GPR137C: variants seen among roughly 807,000 people sequenced by gnomAD.
GPR137C encodes G protein-coupled receptor 137C.
GPR137C carries 27 observed loss-of-function variants against 43.4 expected under a neutral mutation model. That is an observed-to-expected ratio of 0.62 (90% CI 0.46 to 0.86). The LOEUF is 0.86. Among genes scored for constraint, GPR137C ranks in the 40% least tolerant of loss-of-function variants. The pLI, the probability that GPR137C is intolerant of heterozygous loss-of-function variation, is 0.00. For missense variants in GPR137C, 522 were observed against 534.6 expected (o/e 0.98, Z 0.23); for synonymous variants, 285 against 226.9 (o/e 1.26, Z -2.30).
At chr14:52,570,798 A>C (rs1340789014) in intron 1 of GPR137C, among the ~76,000 whole-genome samples, 1 of 152,148 alleles carries the variant, frequency 6.6e-6, no homozygotes, top group African/African-American at 2.4e-5. Context: ...GCTAACCTAA[A>C]TATATATGCA....
At chr14:52,611,491 AT>A in intron 3 of GPR137C, 1 of 331,716 alleles carries the variant, frequency 3.0e-6, no homozygotes, top group Non-Finnish European at 4.3e-6. Context: ...TTTTTGTCAT[AT>A]TCCTTGAATT....
Position 52,604,364 on chromosome 14 carries a change from T to G in GPR137C, c.717+4023T>G, listed in dbSNP as rs541848447. The stretch of plus-strand genomic sequence containing the variant: ...TGAAGGTCCTGGAGCATTTCCCCAG[T>G]GTTTTCTTCTAGTACTTTCATAGTT... On this transcript the variant is annotated intron_variant, in intron 3 of 6. Transcript: ENST00000321662. 6.6e-5 allele frequency among the ~76,000 whole-genome samples: 10 copies of G among 152,240 alleles called. 1 individual carries two copies. In the South Asian group the frequency reaches 2.1e-3, roughly 32 times the overall value.
At chr14:52,609,111 CTTT>C (rs1002994400) in intron 3 of GPR137C, among the ~76,000 whole-genome samples, 1 of 151,954 alleles carries the variant, frequency 6.6e-6, no homozygotes, top group African/African-American at 2.4e-5. Context: ...TTCTTCATTT[CTTT>C]TTTTTCTTTT....
chr14:52,554,776 C>T (rs2038167918), intron 1 of GPR137C, among the ~76,000 whole-genome samples: 3 of 151,840 alleles, frequency 2.0e-5, no homozygotes, highest in Admixed American at 6.6e-5. Context: ...ACTCTTTTCT[C>T]CTTTAATAGG....
intron 1 of GPR137C, among the ~76,000 whole-genome samples, chr14:52,569,462 AG>A (rs1213084868): frequency 6.6e-6 from 1 of 152,136 alleles, no homozygotes; most frequent in African/African-American, 2.4e-5. Flanking sequence ...TGACAGAAGT[AG>A]GCTTCAGAAG....
intron 1 of GPR137C, among the ~76,000 whole-genome samples, chr14:52,577,505 TGC>T (rs765290271): frequency 1.1e-4 from 15 of 136,520 alleles, no homozygotes; most frequent in South Asian, 2.5e-4. Context: ...CATGCACGCG[TGC>T]GCGCGCGCGC....
chr14:52,593,473 G>A (rs1468634553), intron 1 of GPR137C, among the ~76,000 whole-genome samples: 3 of 152,050 alleles, frequency 2.0e-5, no homozygotes, highest in Non-Finnish European at 4.4e-5. Flanking sequence ...ACGTTTTTTG[G>A]TTAGTAGGCT....
At chr14:52,579,437 TTCTC>T (rs557076305) in intron 1 of GPR137C, among the ~76,000 whole-genome samples, 186 of 152,318 alleles carry the variant, frequency 1.2e-3, no homozygotes, top group Non-Finnish European at 2.4e-3. Context: ...CACTTCTCAG[TTCTC>T]TCTGATTGGT....
chr14:52,623,143 G>A (rs1268907564), intron 3 of GPR137C, among the ~76,000 whole-genome samples: 3 of 152,114 alleles, frequency 2.0e-5, no homozygotes, highest in Non-Finnish European at 4.4e-5. Context: ...AGTTGGTGCT[G>A]ACACCATATA....
chr14:52,615,002 G>A (rs769038970), intron 3 of GPR137C, among the ~76,000 whole-genome samples: 9 of 152,198 alleles, frequency 5.9e-5, no homozygotes, highest in East Asian at 3.9e-4. Context: ...GGTTGCTTGC[G>A]CTTGTGGAGT....
intron 3 of GPR137C, among the ~76,000 whole-genome samples, chr14:52,620,653 A>G (rs1351008187): frequency 1.3e-5 from 2 of 151,988 alleles, no homozygotes; most frequent in Non-Finnish European, 2.9e-5. Context: ...CAGACAAAGC[A>G]TTTATAATAT....
chr14:52,600,027 T>G, intron 2 of GPR137C, 86 bp from the exon 3 acceptor site: 3 of 841,718 alleles, frequency 3.6e-6, no homozygotes, highest in Non-Finnish European at 5.7e-6. Flanking sequence ...GAAGGAATTC[T>G]TGTACCTAAC....
intron 3 of GPR137C, among the ~76,000 whole-genome samples, chr14:52,607,542 A>G (rs1364325943): frequency 6.6e-6 from 1 of 152,186 alleles, no homozygotes; most frequent in Non-Finnish European, 1.5e-5. Flanking sequence ...ACACCTTTGT[A>G]TAATGACGTT....
intron 3 of GPR137C, among the ~76,000 whole-genome samples, chr14:52,608,468 A>G (rs1236650334): frequency 6.6e-6 from 1 of 152,174 alleles, no homozygotes; most frequent in Non-Finnish European, 1.5e-5. Flanking sequence ...CTCTTGGTAA[A>G]TTGTAGTCAT....
At chr14:52,563,450 T>A (rs1489151671) in intron 1 of GPR137C, among the ~76,000 whole-genome samples, 1 of 152,186 alleles carries the variant, frequency 6.6e-6, no homozygotes, top group East Asian at 1.9e-4. Flanking sequence ...AACATGATCT[T>A]TCTTCCTCCT....
chr14:52,594,282 G>A (rs914444259), intron 1 of GPR137C, among the ~76,000 whole-genome samples: 1 of 152,186 alleles, frequency 6.6e-6, no homozygotes, highest in Non-Finnish European at 1.5e-5. Flanking sequence ...ATGTGGTGCT[G>A]AGAAAAAGGT....
chr14:52,586,293 C>T (rs2038712893), intron 1 of GPR137C, among the ~76,000 whole-genome samples: 1 of 152,152 alleles, frequency 6.6e-6, no homozygotes, highest in Non-Finnish European at 1.5e-5. Flanking sequence ...AATTCTCTTC[C>T]AACACAGATT....
intron 3 of GPR137C, among the ~76,000 whole-genome samples, chr14:52,627,619 G>T (rs780409149): frequency 1.3e-5 from 2 of 151,846 alleles, no homozygotes; most frequent in Non-Finnish European, 2.9e-5. Flanking sequence ...GGCCGAGGTG[G>T]GTGGATCACA....
chr14:52,568,973 T>A (rs1380778404), intron 1 of GPR137C, among the ~76,000 whole-genome samples: 1 of 152,130 alleles, frequency 6.6e-6, no homozygotes, highest in Non-Finnish European at 1.5e-5. Context: ...CTCAATTGGG[T>A]CCCTGACCAC....
Sources: allele counts gnomAD v4.1 joint callset (sites outside exome capture counted in the v4.1 genomes callset), GRCh38; gene constraint gnomAD v4.1.1; transcripts MANE v1.5; gene names NCBI Gene and HGNC (gene_info 2026-07-23, HGNC 2026-07-21).